Variants in CIT observed in about 807,000 individuals in gnomAD.
The protein encoded by CIT is citron rho-interacting serine/threonine kinase.
Under a neutral mutation model 272.7 loss-of-function variants are expected in CIT, and 79 were observed. The observed-to-expected ratio is 0.29, with a 90% CI of 0.24 to 0.35. The LOEUF is 0.35. CIT is among the 10% of genes least tolerant of loss of function. The probability of loss-of-function intolerance (pLI) is 1.00; values close to 1 mark genes in which losing one functional copy is unlikely to be tolerated. For synonymous variants in CIT, 948 were observed against 995.6 expected (o/e 0.95, Z 0.90); for missense variants, 1,909 against 2,618.3 (o/e 0.73, Z 5.91).
At position 119,771,054 on chromosome 12, in the gene CIT, T is replaced by C. The variant is rs561021588; in HGVS notation, c.2083-144A>G. ...GCACCCGAAGCAACAGCAGAGAAAATAAGATTCTATAATCTAGGTACTCAG... is the reference window on the plus strand; with the variant it reads ...GCACCCGAAGCAACAGCAGAGAAAACAAGATTCTATAATCTAGGTACTCAG... On this transcript the variant is annotated intron_variant, in intron 17 of 47. Coordinates refer to ENST00000392521, the MANE Select transcript of CIT (RefSeq NM_001206999.2). The C allele has an allele frequency of 1.5e-5, 14 of 905,708 alleles. No individual in the cohort carries two copies. The Admixed American group carries it at 2.7e-4, about 18-fold the overall frequency. The allele number at this position is 905,708 out of a possible 1,614,324, so 56.1% of individuals were successfully genotyped here. A position where few individuals can be genotyped will look rare whatever the true frequency, so the allele number is the denominator to read the frequency against.
At chr12:119,714,139 A>G (rs1957321372) in intron 33 of CIT, 58 bp downstream of exon 33, 1 of 1,596,440 alleles carries the variant, frequency 6.3e-7, no homozygotes. Flanking sequence ...CACCTGATAG[A>G]CTTTTTAAGC....
chr12:119,695,516 C>A (rs1956178472), intron 46 of CIT, among the ~76,000 whole-genome samples: 1 of 152,098 alleles, frequency 6.6e-6, no homozygotes, highest in Non-Finnish European at 1.5e-5. Flanking sequence ...TGGTGTAGGA[C>A]CAGACACAGT....
At chr12:119,844,991 G>A (rs146882839) in intron 5 of CIT, among the ~76,000 whole-genome samples, 8 of 152,040 alleles carry the variant, frequency 5.3e-5, no homozygotes, top group African/African-American at 1.4e-4. Flanking sequence ...ATGGTGGCAC[G>A]CGCCTGTAAT....
intron 9 of CIT, among the ~76,000 whole-genome samples, chr12:119,816,887 A>C (rs984300299): frequency 6.6e-6 from 1 of 152,212 alleles, no homozygotes; most frequent in African/African-American, 2.4e-5. Context: ...GGAGGGTGCT[A>C]CTGGTATCCA....
Position 119,697,761 on chromosome 12 carries a change from A to T in CIT, c.5780T>A (p.Leu1927Ter). ...GPAISSGAIY[L>*]ASSYQDKLRV... Reference sequence around the variant, plus strand: ...TAATTTATCCTGGTATGAGGACGCCAAGTAAATCGCTCCTGAGGAAATGGC... The same window carrying T: ...TAATTTATCCTGGTATGAGGACGCCTAGTAAATCGCTCCTGAGGAAATGGC... Residue 1927 changes from leucine (L) to a stop codon, truncating the protein, a stop_gained, in exon 46 of 48, where the codon TTG becomes TAG. Coordinates refer to ENST00000392521, the MANE Select transcript of CIT (RefSeq NM_001206999.2). LOFTEE classifies it high-confidence loss of function. The surrounding 1 kb of genome is among the most constrained non-coding windows in gnomAD (Gnocchi z 4.9). 1 of 1,614,154 alleles carries T rather than the reference A, an allele frequency of 6.2e-7. No individual in the cohort carries two copies.
intron 4 of CIT, among the ~76,000 whole-genome samples, chr12:119,855,807 G>A (rs898872625): frequency 3.9e-5 from 6 of 152,072 alleles, no homozygotes; most frequent in Admixed American, 6.6e-5. Flanking sequence ...TTTGCCTGCC[G>A]TGTGGCCTGT....
chr12:119,845,285 C>G (rs1261624036), intron 5 of CIT, among the ~76,000 whole-genome samples: 1 of 152,088 alleles, frequency 6.6e-6, no homozygotes, highest in African/African-American at 2.4e-5. Context: ...AACCCACAGA[C>G]AGTCCCAATC....
intron 13 of CIT, among the ~76,000 whole-genome samples, 199 bp from the exon 14 acceptor site, chr12:119,777,041 C>T (rs1185223704): frequency 6.6e-6 from 1 of 151,548 alleles, no homozygotes; most frequent in African/African-American, 2.4e-5. Flanking sequence ...GATCACCTGA[C>T]GTCAGGAGTT....
At chr12:119,765,645 A>G (rs892213401) in intron 19 of CIT, among the ~76,000 whole-genome samples, 6 of 151,090 alleles carry the variant, frequency 4.0e-5, no homozygotes, top group African/African-American at 1.5e-4. Context: ...TAATTTTTGT[A>G]TTTTTTGTAG....
intron 44 of CIT, among the ~76,000 whole-genome samples, chr12:119,699,420 G>C (rs1255098412): frequency 6.6e-6 from 1 of 152,208 alleles, no homozygotes; most frequent in African/African-American, 2.4e-5. Context: ...AAGGGAAAAA[G>C]CACTATTATT....
chr12:119,699,781 T>C (rs1956445002), intron 44 of CIT: 1 of 456,090 alleles, frequency 2.2e-6, no homozygotes, highest in Middle Eastern at 3.3e-4. Flanking sequence ...TTGGGGCCAA[T>C]AATAAGCTGT....
intron 10 of CIT, among the ~76,000 whole-genome samples, chr12:119,796,270 T>G (rs1965723065): frequency 6.6e-6 from 1 of 152,114 alleles, no homozygotes; most frequent in Non-Finnish European, 1.5e-5. Flanking sequence ...TTCCACCCTT[T>G]GTGGAGAATG....
At position 119,690,813 on chromosome 12, in the gene CIT, T is replaced by C. The variant is rs1955899307; in HGVS notation, c.5883-359A>G. ...GACCCTCACTGTACAGGCAAGAAAATGGGGACAGACAGGAGTTAGGTGACT... is the reference window on the plus strand; with the variant it reads ...GACCCTCACTGTACAGGCAAGAAAACGGGGACAGACAGGAGTTAGGTGACT... On this transcript the variant is annotated intron_variant, in intron 46 of 47. Coordinates refer to ENST00000392521, the MANE Select transcript of CIT (RefSeq NM_001206999.2). This position sits in a 1 kb window ranked among gnomAD's most constrained non-coding sequence, Gnocchi z 6.0. Among the ~76,000 whole-genome samples, 1 of 152,076 alleles carries C rather than the reference T, an allele frequency of 6.6e-6. No individual in the cohort carries two copies. The highest frequency in any genetic ancestry group is 6.5e-5 in the Admixed American group (1 of 15,286).
At chr12:119,736,041 C>T (rs1170844137) in intron 24 of CIT, among the ~76,000 whole-genome samples, 1 of 152,142 alleles carries the variant, frequency 6.6e-6, no homozygotes, top group Non-Finnish European at 1.5e-5. Flanking sequence ...GAGATTTAAT[C>T]GGGGTTTGCT....
chr12:119,874,768 C>T (rs150811471), intron 2 of CIT, among the ~76,000 whole-genome samples: 5,436 of 151,926 alleles, frequency 0.036, 343 homozygotes, highest in African/African-American at 0.12. Flanking sequence ...CGCCTGTAGT[C>T]CCAGCTACGT....
At position 119,853,426 on chromosome 12, in the gene CIT, A is replaced by ATTTG. The variant is rs199630343; in HGVS notation, c.415-3155_415-3152dup. Among the ~76,000 whole-genome samples, 66 of 151,164 alleles carry ATTTG rather than the reference A, an allele frequency of 4.4e-4. 1 individual carries two copies. The highest frequency in any genetic ancestry group is 7.0e-3 in the Middle Eastern group (2 of 286). ...AGAACAAGTTACAGGGGATTTGTTT[A>ATTTG]TTTGTTTGTTTGTTTGTTTTGTTTT... On this transcript the variant is annotated intron_variant, in intron 4 of 47. Transcript: ENST00000392521.
chr12:119,775,688 A>C, intron 16 of CIT, 98 bp downstream of exon 16: 1 of 907,486 alleles, frequency 1.1e-6, no homozygotes, highest in Non-Finnish European at 1.8e-6. Context: ...TGGGTGACTA[A>C]TTCTGTTTCT....
chr12:119,853,112 A>C (rs1970340693), intron 4 of CIT, among the ~76,000 whole-genome samples: 1 of 152,122 alleles, frequency 6.6e-6, no homozygotes, highest in Admixed American at 6.6e-5. Context: ...GGACTACTGC[A>C]GGTCAGGAGT....
At chr12:119,760,671 T>C (rs370206514) in intron 20 of CIT, among the ~76,000 whole-genome samples, 1 of 151,732 alleles carries the variant, frequency 6.6e-6, no homozygotes, top group East Asian at 1.9e-4. Context: ...ACTGGACATT[T>C]TGTCAGGGGC....
Sources: gnomAD v4.1 joint callset for allele counts (sites outside exome capture counted in the v4.1 genomes callset) on GRCh38, gnomAD v4.1.1 for gene constraint, Gnocchi (gnomAD v3.1) non-coding constraint, MANE v1.5 for transcripts, NCBI Gene and HGNC (gene_info 2026-07-23, HGNC 2026-07-21) for gene names.